Variants in SH2D7 observed in about 807,000 individuals in gnomAD.
SH2D7 encodes the protein SH2 domain containing 7, also known as SH2 domain-containing protein 7.
In SH2D7, 32 loss-of-function variants were observed where a neutral mutation model predicts 40.8. The observed-to-expected ratio is 0.78, with a 90% CI of 0.59 to 1.05. SH2D7 has a LOEUF of 1.05. SH2D7 is among the 50% of genes least tolerant of loss of function. SH2D7 has a pLI of 0.00. For missense variants in SH2D7, 559 were observed against 566.6 expected, an observed-to-expected ratio of 0.99 and a Z score of 0.14; for synonymous variants, 195 against 221.5, an observed-to-expected ratio of 0.88 and a Z score of 1.06.
intron 4 of SH2D7, among the ~76,000 whole-genome samples, chr15:78,100,096 C>T (rs1275269262): frequency 6.6e-6 from 1 of 152,220 alleles, no homozygotes; most frequent in Non-Finnish European, 1.5e-5. Context: ...CACATCAAAC[C>T]ATATTGTGCT....
At chr15:78,103,211 C>T (rs773989749) in intron 5 of SH2D7, among the ~76,000 whole-genome samples, 2 of 152,170 alleles carry the variant, frequency 1.3e-5, no homozygotes, top group Non-Finnish European at 2.9e-5. Context: ...TGAGGCTCGC[C>T]ACCCTTTCTA....
intron 5 of SH2D7, 140 bp downstream of exon 5, chr15:78,101,698 T>C: frequency 1.9e-6 from 2 of 1,057,334 alleles, no homozygotes; most frequent in East Asian, 5.3e-5. Flanking sequence ...AGCCCTAATA[T>C]CTGCCTAGAA....
intron 2 of SH2D7, among the ~76,000 whole-genome samples, chr15:78,095,210 C>A (rs966855453): frequency 6.6e-6 from 1 of 152,162 alleles, no homozygotes; most frequent in Non-Finnish European, 1.5e-5. Flanking sequence ...AACTGTTTAA[C>A]ACAATGCATA....
intron 2 of SH2D7, among the ~76,000 whole-genome samples, chr15:78,095,014 T>C (rs1283347134): frequency 1.3e-5 from 2 of 152,176 alleles, no homozygotes; most frequent in Admixed American, 1.3e-4. Flanking sequence ...GGCTCCAGAG[T>C]AAACTTAAAA....
upstream of SH2D7, among the ~76,000 whole-genome samples, chr15:78,090,331 C>T (rs2073932840): frequency 6.6e-6 from 1 of 152,116 alleles, no homozygotes; most frequent in Non-Finnish European, 1.5e-5. Flanking sequence ...TCGCTTGAAC[C>T]CAGGAGGCAG....
chr15:78,097,821 T>A, intron 2 of SH2D7, 108 bp from the exon 3 acceptor site: 3 of 1,420,602 alleles, frequency 2.1e-6, no homozygotes, highest in South Asian at 2.8e-5. Context: ...CTGTTCTGGA[T>A]CAAGAGCTGG....
chr15:78,101,511 G>C lies in SH2D7; in HGVS notation c.1258G>C (p.Glu420Gln). 1.2e-6 allele frequency: 2 copies of C among 1,608,120 alleles called. No individual in the cohort carries two copies. The change falls in exon 5 of 6, where the codon GAA becomes CAA. Residue 420 changes from glutamate to glutamine, a missense_variant. Transcript: ENST00000328828. ...GCTCTCAGAGCCTGGGAACACCTAT[G>C]AACAGATCCCAGCAACCAAGAGCAA... is the stretch of plus-strand genomic sequence containing the variant. ...PELSEPGNTY[E>Q]QIPATKSKET...
chr15:78,098,207 G>T, intron 3 of SH2D7, 113 bp downstream of exon 3: 1 of 1,431,570 alleles, frequency 7.0e-7, no homozygotes. Flanking sequence ...TATCACCCAG[G>T]GGCACTTGGT....
chr15:78,102,950 G>T (rs1189175454), intron 5 of SH2D7, among the ~76,000 whole-genome samples: 2 of 152,106 alleles, frequency 1.3e-5, no homozygotes, highest in African/African-American at 4.8e-5. Flanking sequence ...CCTCCCTCAG[G>T]GCAGGGCTGT....
At chr15:78,102,837 A>G (rs897767091) in intron 5 of SH2D7, among the ~76,000 whole-genome samples, 5 of 152,050 alleles carry the variant, frequency 3.3e-5, no homozygotes, top group Non-Finnish European at 7.4e-5. Context: ...AAAACCTGAG[A>G]GTCCCTTCCC....
chr15:78,092,869 G>A, intron 1 of SH2D7, 109 bp downstream of exon 1: 1 of 1,339,798 alleles, frequency 7.5e-7, no homozygotes, highest in South Asian at 1.6e-5. Context: ...CCCTGGGCTA[G>A]GCAGGGGCCC....
chr15:78,101,697 A>G, intron 5 of SH2D7, 139 bp downstream of exon 5: 1 of 1,041,214 alleles, frequency 9.6e-7, no homozygotes, highest in Non-Finnish European at 1.3e-6. Context: ...CAGCCCTAAT[A>G]TCTGCCTAGA....
At chr15:78,092,461 T>G, upstream of SH2D7, 2 of 1,066,316 alleles carry the variant, frequency 1.9e-6, no homozygotes, top group Non-Finnish European at 2.6e-6. Flanking sequence ...GAGGTGACAA[T>G]GGGGCTGCTG....
upstream of SH2D7, chr15:78,091,419 G>C (rs2141867453): frequency 1.3e-5 from 2 of 152,288 alleles, no homozygotes; most frequent in Middle Eastern, 6.8e-3. Context: ...TACAGATGAG[G>C]AAATTGAGTT....
chr15:78,098,582 G>T lies in SH2D7; in HGVS notation c.631G>T (p.Glu211Ter). Residue 211 changes from glutamate to a stop codon, truncating the protein, a stop_gained, in exon 4 of 6, where the codon GAG (glutamate) becomes TAG (stop). Transcript: ENST00000328828. LOFTEE classifies it high-confidence loss of function. ...LDVSPRNLSQ[E>*]ESMEAPIRVS... Reference sequence around the variant, plus strand: ...TGTGAGTCCCCGGAACCTCTCCCAGGAGGAAAGCATGGAGGTGAGGAGCAT... The same window carrying T: ...TGTGAGTCCCCGGAACCTCTCCCAGTAGGAAAGCATGGAGGTGAGGAGCAT... 1 of 1,613,734 alleles carries T rather than the reference G, an allele frequency of 6.2e-7. No individual in the cohort carries two copies.
At chr15:78,100,195 G>T (rs1471063218) in intron 4 of SH2D7, among the ~76,000 whole-genome samples, 1 of 152,242 alleles carries the variant, frequency 6.6e-6, no homozygotes, top group South Asian at 2.1e-4. Context: ...TTGGCACCTA[G>T]GACACTGTCT....
At position 78,101,547 on chromosome 15, in the gene SH2D7, C is replaced by T. The variant is rs201755411; in HGVS notation, c.1294C>T (p.Arg432Trp). Residue 432 changes from arginine (R) to tryptophan (W), a missense_variant, in exon 5 of 6, where the codon CGG becomes TGG. Arg to Trp is a moderately radical substitution (Grantham distance 101). Transcript: ENST00000328828. ...IPATKSKETGRTHKPDKLRRL... is the reference protein window; with the variant it reads ...IPATKSKETGWTHKPDKLRRL... Reference sequence around the variant, plus strand: ...AGCAACCAAGAGCAAGGAGACTGGACGGACACACAAGGTGAGCTCCATGAT... The same window carrying T: ...AGCAACCAAGAGCAAGGAGACTGGATGGACACACAAGGTGAGCTCCATGAT... The T allele has an allele frequency of 9.3e-4, 1,479 of 1,589,644 alleles. 25 individuals are homozygous for T. In the South Asian group the frequency reaches 0.015, roughly 16 times the overall value.
chr15:78,090,290 C>T (rs1366164062), upstream of SH2D7, among the ~76,000 whole-genome samples: 1 of 152,140 alleles, frequency 6.6e-6, no homozygotes, highest in Non-Finnish European at 1.5e-5. Flanking sequence ...CGCCTGTAGT[C>T]CCAGCTACTC....
intron 5 of SH2D7, among the ~76,000 whole-genome samples, chr15:78,101,830 C>A (rs566720676): frequency 1.4e-4 from 22 of 152,316 alleles, no homozygotes; most frequent in Non-Finnish European, 2.9e-4. Context: ...TCCGTCTCAG[C>A]CTCTGCAGGG....
Sources: allele counts gnomAD v4.1 joint callset (sites outside exome capture counted in the v4.1 genomes callset), GRCh38; gene constraint gnomAD v4.1.1; transcripts MANE v1.5; gene names NCBI Gene and HGNC (gene_info 2026-07-23, HGNC 2026-07-21).